HBS1L: variants seen among roughly 807,000 people sequenced by gnomAD.
HBS1L encodes HBS1 like translational GTPase.
Under a neutral mutation model 88.9 loss-of-function variants are expected in HBS1L, and 55 were observed. The ratio of observed to expected loss-of-function variants is 0.62; its 90% confidence interval spans 0.50 to 0.77. The LOEUF is 0.77. HBS1L is among the 30% of genes least tolerant of loss of function. HBS1L has a pLI of 0.00. For missense variants in HBS1L, 741 were observed against 829.3 expected (o/e 0.89, Z 1.31); for synonymous variants, 267 against 288.5 (o/e 0.93, Z 0.76).
At chr6:135,047,377 C>T (rs1045172556) in intron 2 of HBS1L, among the ~76,000 whole-genome samples, 1 of 152,206 alleles carries the variant, frequency 6.6e-6, no homozygotes, top group African/African-American at 2.4e-5. Flanking sequence ...ATTCAACCAA[C>T]TTCCAAGTCC....
At chr6:135,030,787 G>C (rs1025276729) in intron 4 of HBS1L, among the ~76,000 whole-genome samples, 2 of 152,124 alleles carry the variant, frequency 1.3e-5, no homozygotes, top group African/African-American at 4.8e-5. Context: ...GCCAAAAAAT[G>C]TACAGTTGAT....
At chr6:135,034,154 A>AC (rs1776463820) in intron 4 of HBS1L, among the ~76,000 whole-genome samples, 1 of 152,194 alleles carries the variant, frequency 6.6e-6, no homozygotes. Context: ...TTTAAAAAAA[A>AC]AAAAGACATA....
intron 2 of HBS1L, among the ~76,000 whole-genome samples, chr6:135,045,740 C>T (rs1432507902): frequency 1.3e-5 from 2 of 151,896 alleles, no homozygotes; most frequent in East Asian, 1.9e-4. Flanking sequence ...GAGGCTGAGG[C>T]GTGAGAACTG....
rs199637304 is a variant in HBS1L at position 135,000,044 on chromosome 6, T to TTTTC, written c.540-2392_540-2389dup. On this transcript the variant is annotated intron_variant, in intron 5 of 17. Transcript: ENST00000367837. ...TTTCTGGTATCATTTTGTAAGCTTT[T>TTTTC]TTTCTTTCTTTCTTTCTTTCTGTTT... Among the ~76,000 whole-genome samples, 1,280 of 151,806 alleles carry TTTTC rather than the reference T, an allele frequency of 8.4e-3. 11 individuals carry two copies. The highest frequency in any genetic ancestry group is 0.029 in the African/African-American group (1,178 of 41,326).
chr6:134,998,570 T>A (rs867378837), intron 5 of HBS1L, among the ~76,000 whole-genome samples: 1 of 152,244 alleles, frequency 6.6e-6, no homozygotes, highest in South Asian at 2.1e-4. Flanking sequence ...CAACTCTATG[T>A]GGAGCTGGCA....
chr6:135,010,592 A>C (rs562274368), intron 4 of HBS1L, among the ~76,000 whole-genome samples: 17 of 152,344 alleles, frequency 1.1e-4, no homozygotes, highest in African/African-American at 4.1e-4. Flanking sequence ...CCATAGATAA[A>C]TAGTATCACA....
chr6:135,031,023 T>C lies in HBS1L; in HGVS notation c.430+8550A>G, dbSNP rs145897057. ...CATGGTCTACTTAGTGTCGCATTTTTTCCAGTTTTGTACTTTTTGTTGGTA... is the reference window on the plus strand; with the variant it reads ...CATGGTCTACTTAGTGTCGCATTTTCTCCAGTTTTGTACTTTTTGTTGGTA... On this transcript the variant is annotated intron_variant, in intron 4 of 17. Coordinates refer to ENST00000367837, the MANE Select transcript of HBS1L (RefSeq NM_006620.4). Among the ~76,000 whole-genome samples the C allele has an allele frequency of 4.7e-3, 711 of 152,268 alleles. 9 individuals carry two copies. Among genetic ancestry groups the C allele is most frequent in the Non-Finnish European group, 7.3e-3 (500 of 68,030 alleles).
intron 15 of HBS1L, among the ~76,000 whole-genome samples, chr6:134,976,374 A>G (rs1774642754): frequency 6.6e-6 from 1 of 152,178 alleles, no homozygotes; most frequent in East Asian, 1.9e-4. Flanking sequence ...CGAAAAGTAG[A>G]TCTACCAGTT....
chr6:135,054,542 G>A (rs1583169734), intron 1 of HBS1L, 107 bp downstream of exon 1: 3 of 1,324,536 alleles, frequency 2.3e-6, no homozygotes, highest in Non-Finnish European at 2.1e-6. Flanking sequence ...TCCCAATCCC[G>A]ACAGGGCAAC....
intron 16 of HBS1L, among the ~76,000 whole-genome samples, chr6:134,967,285 T>C (rs145358182): frequency 2.0e-5 from 3 of 152,310 alleles, no homozygotes; most frequent in East Asian, 3.9e-4. Flanking sequence ...TAAACTCTCC[T>C]TTTGAAAGAT....
At chr6:135,000,903 C>T (rs1361441485) in intron 5 of HBS1L, among the ~76,000 whole-genome samples, 1 of 152,124 alleles carries the variant, frequency 6.6e-6, no homozygotes, top group Non-Finnish European at 1.5e-5. Context: ...TTTCTATATG[C>T]TTTCTTAAGA....
intron 16 of HBS1L, among the ~76,000 whole-genome samples, chr6:134,968,238 A>C (rs1774372914): frequency 6.8e-6 from 1 of 146,952 alleles, no homozygotes; most frequent in South Asian, 2.4e-4. Flanking sequence ...GATTTGGGTA[A>C]GAAATCTTTT....
At chr6:135,049,498 T>C (rs1777013448) in intron 2 of HBS1L, among the ~76,000 whole-genome samples, 1 of 152,226 alleles carries the variant, frequency 6.6e-6, no homozygotes. Flanking sequence ...AAATGAGTTT[T>C]ATAAATTATA....
rs761856585 is a variant in HBS1L at position 134,978,761 on chromosome 6, T to C, written c.1715A>G (p.Lys572Arg). The C allele has an allele frequency of 1.3e-5, 21 of 1,607,642 alleles. No individual in the cohort carries two copies. The highest frequency in any genetic ancestry group is 1.7e-5 in the Non-Finnish European group (20 of 1,176,798). Residue 572 changes from lysine (K) to arginine (R), a missense_variant, in exon 15 of 18, where the codon AAA (lysine) becomes AGA (arginine). Lys to Arg is a conservative substitution (Grantham distance 26). Transcript: ENST00000367837. The part of the protein sequence containing the change: ...INVGCIFCGP[K>R]VPIKACTRFR... ...ACGAGTGCAAGCTTTAATGGGTACTTTGGGGCCACAAAATATGCAGCCAAC... is the reference window on the plus strand; with the variant it reads ...ACGAGTGCAAGCTTTAATGGGTACTCTGGGGCCACAAAATATGCAGCCAAC...
rs190571205 is a variant in HBS1L at position 134,992,037 on chromosome 6, C to T, written c.1083+1721G>A. Among the ~76,000 whole-genome samples, 96 of 152,296 alleles carry T rather than the reference C, an allele frequency of 6.3e-4. 2 individuals are homozygous for T. The East Asian group carries it at 0.018, about 28-fold the overall frequency. ...GACTGGTGACTGTGCCACTGCACTC[C>T]AGCCTGGGCTACAGAGTGAGACTCT... On this transcript the variant is annotated intron_variant, in intron 8 of 17. Coordinates refer to ENST00000367837, the MANE Select transcript of HBS1L (RefSeq NM_006620.4).
chr6:134,991,084 T>C (rs73774530), intron 8 of HBS1L, among the ~76,000 whole-genome samples: 14 of 136,476 alleles, frequency 1.0e-4, no homozygotes, highest in African/African-American at 3.8e-4. Context: ...CACACACACA[T>C]ATACACATAT....
intron 4 of HBS1L, among the ~76,000 whole-genome samples, chr6:135,017,890 A>G (rs1459950891): frequency 1.3e-5 from 2 of 152,034 alleles, no homozygotes; most frequent in Non-Finnish European, 2.9e-5. Context: ...ACAAATTCAC[A>G]ACAGATTTTT....
chr6:135,027,410 G>A (rs981143939), intron 4 of HBS1L, among the ~76,000 whole-genome samples: 39 of 151,986 alleles, frequency 2.6e-4, no homozygotes, highest in African/African-American at 9.2e-4. Context: ...AAACTCCCCA[G>A]CAACCAAAAT....
intron 4 of HBS1L, among the ~76,000 whole-genome samples, chr6:135,014,960 G>A (rs1039797446): frequency 3.9e-5 from 6 of 151,918 alleles, no homozygotes; most frequent in African/African-American, 1.5e-4. Flanking sequence ...GCTTGAGCCC[G>A]GGAGGCGGAG....
Sources: allele counts gnomAD v4.1 joint callset (sites outside exome capture counted in the v4.1 genomes callset), GRCh38; gene constraint gnomAD v4.1.1; transcripts MANE v1.5; gene names NCBI Gene and HGNC (gene_info 2026-07-23, HGNC 2026-07-21).